CD36: variants seen among roughly 807,000 people sequenced by gnomAD.
CD36 encodes the protein CD36 molecule (CD36 blood group).
Under a neutral mutation model 55.2 loss-of-function variants are expected in CD36, and 119 were observed. That is an observed-to-expected ratio of 2.15 (90% CI 1.86 to 2.51). The LOEUF (loss-of-function observed/expected upper bound fraction) is 2.51. CD36 is among the 30% of genes most tolerant of loss of function. The pLI, the probability that CD36 is intolerant of heterozygous loss-of-function variation, is 0.00. For missense variants in CD36, 819 were observed against 555.5 expected (o/e 1.47, Z -4.77); for synonymous variants, 186 against 193.6 (o/e 0.96, Z 0.33).
chr7:80,669,946 T>C lies in CD36; in HGVS notation c.749-7T>C, dbSNP rs1378338815. 6.2e-7 allele frequency: 1 copy of C among 1,607,730 alleles called. No homozygotes were observed. The highest frequency in any genetic ancestry group is 8.5e-7 in the Non-Finnish European group (1 of 1,174,354). On this transcript the variant is annotated splice_region_variant and splice_polypyrimidine_tract_variant and intron_variant, in intron 8 of 14. Coordinates refer to ENST00000447544, the MANE Select transcript of CD36 (RefSeq NM_001001548.3). ...ATCTAATCATTTGCCACTCGATTTT[T>C]AAACAGATGCAGCCTCATTTCCACC...
intron 1 of CD36, among the ~76,000 whole-genome samples, chr7:80,645,087 C>T (rs368098440): frequency 1.3e-4 from 19 of 149,180 alleles, no homozygotes; most frequent in African/African-American, 4.2e-4. Flanking sequence ...ATGGCATGAT[C>T]TCGGCTCACC....
chr7:80,671,984 A>C lies in CD36; in HGVS notation c.1069A>C (p.Ile357Leu). ...TGCAAGTCCTGATGTTTCAGAACCT[A>C]TTGATGGATTAAACCCAAATGAAGA... The part of the protein sequence containing the change: ...LYASPDVSEP[I>L]DGLNPNEEEH... The change falls in exon 11 of 15, where the codon ATT becomes CTT. Residue 357 changes from isoleucine to leucine, a missense_variant. Transcript: ENST00000447544. 1.2e-6 allele frequency: 2 copies of C among 1,608,898 alleles called. No homozygotes were observed. The highest frequency in any genetic ancestry group is 1.7e-6 in the Non-Finnish European group (2 of 1,175,866).
intron 8 of CD36, 128 bp from the exon 9 acceptor site, chr7:80,669,825 T>C: frequency 1.3e-6 from 1 of 757,052 alleles, no homozygotes; most frequent in Non-Finnish European, 2.4e-6. Flanking sequence ...TTTAAAAATG[T>C]GGCTGCTAGA....
chr7:80,632,736 A>C (rs1268456040), intron 1 of CD36, among the ~76,000 whole-genome samples: 1 of 152,036 alleles, frequency 6.6e-6, no homozygotes, highest in African/African-American at 2.4e-5. Flanking sequence ...CATTATGGCC[A>C]AGCCTAGAGC....
chr7:80,617,714 G>A (rs1360741), intron 1 of CD36, among the ~76,000 whole-genome samples: 118,534 of 148,978 alleles, frequency 0.8, 48,853 homozygotes, highest in Middle Eastern at 0.92. Flanking sequence ...ACGACAGAGC[G>A]AGACTGTGTC....
intron 1 of CD36, chr7:80,639,697 T>C (rs1459428475): frequency 1.3e-5 from 2 of 152,042 alleles, no homozygotes; most frequent in African/African-American, 2.4e-5. Context: ...GTAATGTGTG[T>C]TGAAGCTAAA....
chr7:80,647,504 GA>G, intron 3 of CD36, among the ~76,000 whole-genome samples: 1 of 152,088 alleles, frequency 6.6e-6, no homozygotes, highest in Non-Finnish European at 1.5e-5. Context: ...TGAAAAAACA[GA>G]ATGATTGAAT....
chr7:80,645,715 A>G lies in CD36; in HGVS notation c.-183-373A>G, dbSNP rs569037584. 4.9e-4 allele frequency among the ~76,000 whole-genome samples: 74 copies of G among 152,302 alleles called. 1 individual carries two copies. Among genetic ancestry groups the G allele is most frequent in the Non-Finnish European group, 7.8e-4 (53 of 68,020 alleles). On this transcript the variant is annotated intron_variant, in intron 1 of 14. Coordinates refer to ENST00000447544, the MANE Select transcript of CD36 (RefSeq NM_001001548.3). ...ATACTAACACAAACTACCTAATTTT[A>G]ACAGAATTAGCATGAATCAACTGCA...
chr7:80,616,540 C>A (rs1176292863), intron 1 of CD36, among the ~76,000 whole-genome samples: 1 of 151,812 alleles, frequency 6.6e-6, no homozygotes, highest in Non-Finnish European at 1.5e-5. Flanking sequence ...AGTGATTTCT[C>A]TAGAGGAAAG....
At chr7:80,602,258 A>G (rs1010122521) in exon 1 of CD36, 8 of 152,242 alleles carry the variant, frequency 5.3e-5, no homozygotes, top group African/African-American at 1.9e-4. Flanking sequence ...CCTGTGCCTC[A>G]TTTCTGAGTT....
intron 1 of CD36, among the ~76,000 whole-genome samples, chr7:80,622,959 A>G (rs576253884): frequency 5.6e-4 from 85 of 152,014 alleles, no homozygotes; most frequent in Middle Eastern, 3.5e-3. Context: ...ATAGCTAGAC[A>G]ACAGGCTATC....
At chr7:80,616,423 GT>G (rs1793157696) in intron 1 of CD36, among the ~76,000 whole-genome samples, 1 of 51,872 alleles carries the variant, frequency 1.9e-5, no homozygotes, top group Non-Finnish European at 3.9e-5. Flanking sequence ...GGGACCATCT[GT>G]GTGTGTGTGT....
At chr7:80,629,631 G>A (rs1745448416) in intron 1 of CD36, among the ~76,000 whole-genome samples, 1 of 151,992 alleles carries the variant, frequency 6.6e-6, no homozygotes, top group South Asian at 2.1e-4. Context: ...TAGATGTGGA[G>A]TTGTGAAGTC....
chr7:80,672,266 T>C lies in CD36; in HGVS notation c.1125+226T>C, dbSNP rs3807077. ...ATATTTATGTTTAGATGAGGAGTTATTGTATATTATGCAAAAGTCAAAGAG... is the reference window on the plus strand; with the variant it reads ...ATATTTATGTTTAGATGAGGAGTTACTGTATATTATGCAAAAGTCAAAGAG... On this transcript the variant is annotated intron_variant, in intron 11 of 14. Transcript: ENST00000447544. 9.3e-3 allele frequency among the ~76,000 whole-genome samples: 1,417 copies of C among 151,962 alleles called. 32 individuals are homozygous for C. In the East Asian group the frequency reaches 0.097, roughly 10 times the overall value.
At chr7:80,624,664 G>C (rs1793649369) in intron 1 of CD36, among the ~76,000 whole-genome samples, 1 of 151,906 alleles carries the variant, frequency 6.6e-6, no homozygotes, top group African/African-American at 2.4e-5. Flanking sequence ...TTGAGGCCAG[G>C]AGTTCAAGAC....
At position 80,669,939 on chromosome 7, in the gene CD36, C is replaced by T. The variant is rs200439592; in HGVS notation, c.749-14C>T. The T allele has an allele frequency of 7.1e-4, 1,138 of 1,598,574 alleles. 5 individuals are homozygous for T. Among genetic ancestry groups the T allele is most frequent in the Non-Finnish European group, 3.8e-4 (441 of 1,166,060 alleles). On this transcript the variant is annotated splice_polypyrimidine_tract_variant and intron_variant, in intron 8 of 14. Transcript: ENST00000447544. ...ACATTACATCTAATCATTTGCCACTCGATTTTTAAACAGATGCAGCCTCAT... is the reference window on the plus strand; with the variant it reads ...ACATTACATCTAATCATTTGCCACTTGATTTTTAAACAGATGCAGCCTCAT...
At chr7:80,664,647 T>TTAAC in intron 7 of CD36, 150 bp downstream of exon 7, 1 of 652,028 alleles carries the variant, frequency 1.5e-6, no homozygotes, top group East Asian at 2.8e-5. Context: ...CTGCTAGGTA[T>TTAAC]TAACTCTTTA....
Position 80,677,607 on chromosome 7 carries a change from A to G in CD36, c.*1224A>G, listed in dbSNP as rs1367531070. ...TTTTAACTGGGAAGATAAAAGAAGT[A>G]TCTGTCCAAGATATTAATATGTAAG... On this transcript the variant is annotated 3_prime_UTR_variant, in exon 15 of 15. Coordinates refer to ENST00000447544, the MANE Select transcript of CD36 (RefSeq NM_001001548.3). 6.6e-6 allele frequency: 1 copy of G among 152,168 alleles called. No individual in the cohort carries two copies. Among genetic ancestry groups the G allele is most frequent in the Non-Finnish European group, 1.5e-5 (1 of 68,032 alleles). 9.4% of individuals were successfully genotyped at this position (152,168 alleles called of 1,614,324 possible). A position where few individuals can be genotyped will look rare whatever the true frequency, so the allele number is the denominator to read the frequency against.
intron 6 of CD36, among the ~76,000 whole-genome samples, chr7:80,664,117 A>G (rs1796791506): frequency 1.3e-5 from 2 of 152,104 alleles, no homozygotes; most frequent in South Asian, 4.1e-4. Flanking sequence ...CCTCACCTCA[A>G]CATAGTAAGA....
Sources: allele counts gnomAD v4.1 joint callset (sites outside exome capture counted in the v4.1 genomes callset), GRCh38; gene constraint gnomAD v4.1.1; transcripts MANE v1.5; gene names NCBI Gene and HGNC (gene_info 2026-07-23, HGNC 2026-07-21).